IQCK: variants seen among roughly 807,000 people sequenced by gnomAD.
IQCK encodes IQ motif containing K, also known as IQ domain-containing protein K.
A neutral mutation model predicts 28.1 loss-of-function variants in IQCK; 29 were observed. That is an observed-to-expected ratio of 1.03 (90% confidence interval 0.77 to 1.41). The LOEUF (loss-of-function observed/expected upper bound fraction) is 1.41. Ranked by LOEUF, IQCK falls within the 40% of genes most tolerant of loss-of-function variation. The probability of loss-of-function intolerance (pLI) is 0.00; values close to 1 mark genes in which losing one functional copy is unlikely to be tolerated. For missense variants in IQCK, 359 were observed against 314.7 expected, an observed-to-expected ratio of 1.14 and a Z score of -1.07; for synonymous variants, 113 against 115.1, an observed-to-expected ratio of 0.98 and a Z score of 0.12.
chr16:19,827,884 C>G (rs2056169571), downstream of IQCK, among the ~76,000 whole-genome samples: 1 of 151,956 alleles, frequency 6.6e-6, no homozygotes, highest in Non-Finnish European at 1.5e-5. Context: ...TGTGGGACTT[C>G]TCAGTCACCA....
chr16:19,792,638 C>G (rs1240703628), intron 7 of IQCK, among the ~76,000 whole-genome samples: 1 of 91,996 alleles, frequency 1.1e-5, no homozygotes, highest in Non-Finnish European at 1.8e-5. Context: ...GTGGCGTGAT[C>G]TCAGCTCACT....
intron 6 of IQCK, among the ~76,000 whole-genome samples, chr16:19,778,842 C>G (rs965285155): frequency 1.3e-5 from 2 of 152,022 alleles, no homozygotes; most frequent in Non-Finnish European, 2.9e-5. Context: ...ATTCCCAGAC[C>G]TTGTAAATAT....
At chr16:19,759,243 G>A (rs1266299202) in intron 4 of IQCK, among the ~76,000 whole-genome samples, 1 of 152,014 alleles carries the variant, frequency 6.6e-6, no homozygotes, top group Non-Finnish European at 1.5e-5. Context: ...ATGGAGTCTT[G>A]CTCTGTTGCC....
At position 19,777,307 on chromosome 16, in the gene IQCK, C is replaced by G. The variant is rs147374716; in HGVS notation, c.606-11531C>G. ...TCACTGTGTCGTTTGAGGACAAGCT[C>G]CAGTCGCTTGATGATCTATTTGTGC... On this transcript the variant is annotated intron_variant, in intron 6 of 7. Coordinates refer to ENST00000564186, the Ensembl canonical transcript of IQCK. Among the ~76,000 whole-genome samples the G allele has an allele frequency of 3.8e-3, 580 of 152,226 alleles. 3 individuals are homozygous for G. Among genetic ancestry groups the G allele is most frequent in the African/African-American group, 0.013 (534 of 41,532 alleles).
At chr16:19,767,879 CAATA>C (rs562124364) in intron 6 of IQCK, among the ~76,000 whole-genome samples, 45 of 151,842 alleles carry the variant, frequency 3.0e-4, no homozygotes, top group African/African-American at 1.0e-3. Context: ...GACTCCATCT[CAATA>C]AATAAATAAA....
chr16:19,740,807 A>G (rs2054822183), intron 4 of IQCK, among the ~76,000 whole-genome samples: 1 of 151,674 alleles, frequency 6.6e-6, no homozygotes, highest in Admixed American at 6.6e-5. Context: ...CATCTCTACT[A>G]AAAATACAAA....
chr16:19,785,252 C>G (rs1315933852), intron 6 of IQCK, among the ~76,000 whole-genome samples: 1 of 152,166 alleles, frequency 6.6e-6, no homozygotes, highest in African/African-American at 2.4e-5. Context: ...ACCCTTTGGC[C>G]GATCTGCTGG....
intron 1 of IQCK, among the ~76,000 whole-genome samples, chr16:19,726,127 G>A (rs573080826): frequency 2.0e-5 from 3 of 152,016 alleles, no homozygotes; most frequent in South Asian, 2.1e-4. Flanking sequence ...TGTTAGCCAC[G>A]ATGGTCTCGA....
chr16:19,719,431 C>CA (rs553643277), intron 1 of IQCK, among the ~76,000 whole-genome samples: 62 of 147,396 alleles, frequency 4.2e-4, no homozygotes, highest in African/African-American at 6.7e-4. Context: ...ACTGAAAATA[C>CA]AAAAAAAAAA....
chr16:19,762,615 T>A (rs2055164411), intron 4 of IQCK, among the ~76,000 whole-genome samples: 1 of 152,132 alleles, frequency 6.6e-6, no homozygotes, highest in Admixed American at 6.6e-5. Flanking sequence ...ACACAAGCAA[T>A]CAATTAACCT....
chr16:19,762,952 G>T (rs1217866891), intron 4 of IQCK, among the ~76,000 whole-genome samples: 1 of 152,116 alleles, frequency 6.6e-6, no homozygotes, highest in African/African-American at 2.4e-5. Flanking sequence ...GGAGGCAGAA[G>T]TTGCAGTGAG....
chr16:19,732,318 A>C (rs926684612), intron 2 of IQCK, among the ~76,000 whole-genome samples: 3 of 152,150 alleles, frequency 2.0e-5, no homozygotes, highest in Non-Finnish European at 4.4e-5. Context: ...CTACTGCTGT[A>C]CTTGTGGGTT....
At position 19,722,167 on chromosome 16, in the gene IQCK, C is replaced by T. The variant is rs567870860; in HGVS notation, c.181+3680C>T. Among the ~76,000 whole-genome samples, 4 of 152,320 alleles carry T rather than the reference C, an allele frequency of 2.6e-5. No individual in the cohort carries two copies. In the East Asian group the frequency reaches 7.7e-4, roughly 29 times the overall value. ...TCTCCCATTGCCTGGTTCTACTAGTCCAAGTCTGTAACACCTCCTGAAATG... is the reference window on the plus strand; with the variant it reads ...TCTCCCATTGCCTGGTTCTACTAGTTCAAGTCTGTAACACCTCCTGAAATG... On this transcript the variant is annotated intron_variant, in intron 1 of 7. Transcript: ENST00000564186.
exon 10 of IQCK, chr16:19,858,425 G>A: frequency 1.6e-6 from 1 of 606,740 alleles, no homozygotes; most frequent in South Asian, 2.0e-5. Flanking sequence ...TTTGTGCTGT[G>A]CTCACCTTAT....
intron 6 of IQCK, among the ~76,000 whole-genome samples, chr16:19,781,420 T>C (rs558699024): frequency 6.6e-6 from 1 of 152,324 alleles, no homozygotes; most frequent in African/African-American, 2.4e-5. Flanking sequence ...AGCCTGATGC[T>C]GGAGTAATAA....
intron 6 of IQCK, among the ~76,000 whole-genome samples, chr16:19,772,066 G>C (rs1159971360): frequency 6.6e-6 from 1 of 152,184 alleles, no homozygotes; most frequent in Non-Finnish European, 1.5e-5. Flanking sequence ...GTAAAATCAG[G>C]GTTGAAGACT....
chr16:19,752,368 G>A (rs772889924), intron 4 of IQCK, among the ~76,000 whole-genome samples: 1 of 152,030 alleles, frequency 6.6e-6, no homozygotes, highest in Non-Finnish European at 1.5e-5. Context: ...AGCATTTTTT[G>A]ATAAAAGGCT....
chr16:19,738,953 G>A (rs8056301), intron 4 of IQCK, among the ~76,000 whole-genome samples: 51,943 of 152,048 alleles, frequency 0.34, 13,931 homozygotes, highest in African/African-American at 0.75. Flanking sequence ...GCAATACTTC[G>A]TTAGTCCTCT....
chr16:19,837,791 T>G (rs764684984), intron 9 of IQCK, among the ~76,000 whole-genome samples: 62 of 152,238 alleles, frequency 4.1e-4, no homozygotes, highest in Non-Finnish European at 8.8e-4. Context: ...AAAAAGTGAT[T>G]ACATGGGTTT....
Sources: allele counts gnomAD v4.1 joint callset (sites outside exome capture counted in the v4.1 genomes callset), GRCh38; gene constraint gnomAD v4.1.1; transcripts MANE v1.5; gene names NCBI Gene and HGNC (gene_info 2026-07-23, HGNC 2026-07-21).